LRRC37A2: variants seen among roughly 807,000 people sequenced by gnomAD.
The protein encoded by LRRC37A2 is leucine-rich repeat-containing protein 37A2.
LRRC37A2 carries 9 observed loss-of-function variants against 68.8 expected under a neutral mutation model. That is an observed-to-expected ratio of 0.13 (90% CI 0.08 to 0.23). The LOEUF is 0.23. LRRC37A2 is among the 10% of genes least tolerant of loss of function. The pLI, the probability that LRRC37A2 is intolerant of heterozygous loss-of-function variation, is 1.00. For missense variants in LRRC37A2, 168 were observed against 950.4 expected, an observed-to-expected ratio of 0.18 and a Z score of 10.82; for synonymous variants, 63 against 367.6, an observed-to-expected ratio of 0.17 and a Z score of 9.48.
chr17:46,829,695 T>C, the LRRC37A2 span, among the ~76,000 whole-genome samples: 2 of 152,018 alleles, frequency 1.3e-5, no homozygotes, highest in African/African-American at 4.8e-5. Flanking sequence ...GACTCACTCT[T>C]TCACCTGAGG....
At chr17:46,861,519 G>A in the LRRC37A2 span, among the ~76,000 whole-genome samples, 1 of 152,120 alleles carries the variant, frequency 6.6e-6, no homozygotes, top group South Asian at 2.1e-4. Flanking sequence ...TGGGAGCCAT[G>A]GCCTGGCTTC....
the LRRC37A2 span, among the ~76,000 whole-genome samples, chr17:46,882,934 C>T: frequency 6.6e-6 from 1 of 152,242 alleles, no homozygotes; most frequent in African/African-American, 2.4e-5. Flanking sequence ...CAGGCCATTT[C>T]CTCATACTCC....
the LRRC37A2 span, among the ~76,000 whole-genome samples, chr17:46,866,581 C>T: frequency 4.6e-5 from 7 of 151,984 alleles, no homozygotes; most frequent in Non-Finnish European, 7.4e-5. Context: ...GGCCTTGCAG[C>T]GGAAGCCTGT....
At chr17:46,855,826 G>A in the LRRC37A2 span, among the ~76,000 whole-genome samples, 1 of 152,062 alleles carries the variant, frequency 6.6e-6, no homozygotes, top group Non-Finnish European at 1.5e-5. Flanking sequence ...AGCTTCCCCA[G>A]TAGCTGAGAT....
chr17:46,623,350 T>C, the LRRC37A2 span, among the ~76,000 whole-genome samples: 1 of 47,084 alleles, frequency 2.1e-5, no homozygotes. Context: ...CAGCTTTGGC[T>C]TGAGGTTTGA....
chr17:46,952,055 A>G, the LRRC37A2 span, among the ~76,000 whole-genome samples: 5 of 152,184 alleles, frequency 3.3e-5, no homozygotes, highest in Admixed American at 2.6e-4. Context: ...AGATTCCTGA[A>G]GCTGGGTTGT....
At chr17:47,017,928 C>T in the LRRC37A2 span, 2 of 1,611,608 alleles carry the variant, frequency 1.2e-6, no homozygotes, top group East Asian at 2.2e-5. Flanking sequence ...CCCAGCACAG[C>T]TTCCACAGCT....
chr17:46,978,858 C>T, the LRRC37A2 span: 7 of 1,585,704 alleles, frequency 4.4e-6, no homozygotes, highest in African/African-American at 6.8e-5. Flanking sequence ...CCGCGGGGAC[C>T]CCGTCGCTGG....
chr17:46,811,779 AC>A, the LRRC37A2 span, among the ~76,000 whole-genome samples: 1 of 151,970 alleles, frequency 6.6e-6, no homozygotes, highest in East Asian at 1.9e-4. Context: ...ACATGGTGAA[AC>A]CCCCATCTCT....
chr17:46,535,149 C>G (rs1004058176), intron 6 of LRRC37A2, among the ~76,000 whole-genome samples: 3 of 148,912 alleles, frequency 2.0e-5, no homozygotes, highest in Non-Finnish European at 4.4e-5. Context: ...GAGCCTCAAG[C>G]CTCCCAAGGT....
chr17:46,935,311 C>G, the LRRC37A2 span: 23 of 1,533,588 alleles, frequency 1.5e-5, no homozygotes, highest in Admixed American at 4.7e-4. Context: ...GTTTGGGATC[C>G]TTTCTGTTGG....
chr17:46,413,512 A>ACG, the LRRC37A2 span, among the ~76,000 whole-genome samples: 1 of 23,956 alleles, frequency 4.2e-5, no homozygotes, highest in African/African-American at 6.0e-5. Context: ...ACACACACAC[A>ACG]CACACACACA....
At chr17:46,826,315 G>T in the LRRC37A2 span, among the ~76,000 whole-genome samples, 1 of 152,234 alleles carries the variant, frequency 6.6e-6, no homozygotes, top group Admixed American at 6.5e-5. Flanking sequence ...CATGGATGGA[G>T]GCCCAGTGGG....
chr17:46,941,584 T>G, the LRRC37A2 span: 1 of 262,970 alleles, frequency 3.8e-6, no homozygotes, highest in Non-Finnish European at 5.9e-6. Flanking sequence ...TTATTTTATT[T>G]TTTATTTTTG....
chr17:46,959,509 T>A, the LRRC37A2 span, among the ~76,000 whole-genome samples: 1 of 152,168 alleles, frequency 6.6e-6, no homozygotes, highest in Non-Finnish European at 1.5e-5. Context: ...GAAAAGGTTC[T>A]TCTGGGTTTC....
the LRRC37A2 span, among the ~76,000 whole-genome samples, chr17:46,719,851 ATTGT>A: frequency 6.6e-6 from 1 of 152,242 alleles, no homozygotes; most frequent in Non-Finnish European, 1.5e-5. This position sits in a 1 kb window ranked among gnomAD's most constrained non-coding sequence, Gnocchi z 4.3. Context: ...ATAGAACTAA[ATTGT>A]TTGAACAAAA....
At chr17:46,666,145 G>A in the LRRC37A2 span, among the ~76,000 whole-genome samples, 2 of 149,100 alleles carry the variant, frequency 1.3e-5, no homozygotes. Flanking sequence ...GGGAACTTTG[G>A]AAAATAAATA....
the LRRC37A2 span, among the ~76,000 whole-genome samples, chr17:46,729,881 TGAAAA>T: frequency 3.0e-4 from 46 of 152,256 alleles, no homozygotes; most frequent in East Asian, 8.5e-3. Context: ...TCTAAAATAA[TGAAAA>T]GAAACATAAC....
the LRRC37A2 span, among the ~76,000 whole-genome samples, chr17:46,767,387 T>C: frequency 6.6e-6 from 1 of 151,948 alleles, no homozygotes; most frequent in Non-Finnish European, 1.5e-5. Flanking sequence ...ATATGCCGCT[T>C]CCCCCCACCC....
Sources: allele counts gnomAD v4.1 joint callset (sites outside exome capture counted in the v4.1 genomes callset), GRCh38; gene constraint gnomAD v4.1.1; non-coding constraint Gnocchi (gnomAD v3.1); transcripts MANE v1.5; gene names NCBI Gene and HGNC (gene_info 2026-07-23, HGNC 2026-07-21).